AUTS2: variants seen among roughly 807,000 people sequenced by gnomAD.
AUTS2 encodes the protein autism susceptibility gene 2 protein.
Under a neutral mutation model 112.4 loss-of-function variants are expected in AUTS2, and 17 were observed. The observed-to-expected ratio is 0.15, with a 90% CI of 0.10 to 0.23. AUTS2 has a LOEUF of 0.23. Among genes scored for constraint, AUTS2 ranks in the 10% least tolerant of loss-of-function variants. The probability of loss-of-function intolerance (pLI) is 1.00; values close to 1 mark genes in which losing one functional copy is unlikely to be tolerated. For synonymous variants in AUTS2, 751 were observed against 702.7 expected, an observed-to-expected ratio of 1.07 and a Z score of -1.09; for missense variants, 1,510 against 1,701.6, an observed-to-expected ratio of 0.89 and a Z score of 1.98.
rs551740245 is a variant in AUTS2 at position 69,762,539 on chromosome 7, G to C, written c.310-136747G>C. Among the ~76,000 whole-genome samples, 11 of 151,798 alleles carry C rather than the reference G, an allele frequency of 7.2e-5. No individual in the cohort carries two copies. The South Asian group carries it at 2.3e-3, about 32-fold the overall frequency. On this transcript the variant is annotated intron_variant, in intron 1 of 18. Coordinates refer to ENST00000342771, the MANE Select transcript of AUTS2 (RefSeq NM_015570.4). ...GCCCAAGCTGGTCTCAAACTTCTAAGCTCAAGCCATCTGCCCGCTTCGGCC... is the reference window on the plus strand; with the variant it reads ...GCCCAAGCTGGTCTCAAACTTCTAACCTCAAGCCATCTGCCCGCTTCGGCC...
intron 1 of AUTS2, among the ~76,000 whole-genome samples, chr7:69,744,719 CCT>C (rs1242223038): frequency 6.6e-6 from 1 of 152,008 alleles, no homozygotes; most frequent in Admixed American, 6.6e-5. Flanking sequence ...GCCTGTAGTC[CCT>C]GTTATCTGGG....
At chr7:70,365,070 G>A (rs1792505002) in intron 4 of AUTS2, among the ~76,000 whole-genome samples, 1 of 152,048 alleles carries the variant, frequency 6.6e-6, no homozygotes, top group Admixed American at 6.6e-5. Flanking sequence ...AGGATTAGTA[G>A]GAATTTTAAA....
chr7:69,648,831 C>A (rs755203389), intron 1 of AUTS2, among the ~76,000 whole-genome samples: 1 of 152,046 alleles, frequency 6.6e-6, no homozygotes, highest in Admixed American at 6.5e-5. Context: ...TTTAAGTTTG[C>A]AAAATGCCTT....
chr7:70,763,365 C>T lies in AUTS2; in HGVS notation c.1214+24C>T. 2.6e-6 allele frequency: 4 copies of T among 1,516,354 alleles called. No homozygotes were observed. The South Asian group carries it at 3.9e-5, about 15-fold the overall frequency. 93.9% of individuals were successfully genotyped at this position (1,516,354 alleles called of 1,614,324 possible). A position where few individuals can be genotyped will look rare whatever the true frequency, so the allele number is the denominator to read the frequency against. On this transcript the variant is annotated intron_variant, in intron 7 of 18. Coordinates refer to ENST00000342771, the MANE Select transcript of AUTS2 (RefSeq NM_015570.4). ...AGGTGAGTGGCCTGCTCTTCTTTGG[C>T]CTGACTTTTGCCCTCTCCCTGGGGA...
intron 16 of AUTS2, 117 bp downstream of exon 16, chr7:70,785,136 C>A: frequency 9.6e-7 from 1 of 1,038,778 alleles, no homozygotes; most frequent in Non-Finnish European, 1.5e-6. Context: ...ACCCTGCTTA[C>A]CATTTAGGCA....
chr7:70,207,451 G>T (rs1288801888), intron 4 of AUTS2, among the ~76,000 whole-genome samples: 1 of 152,162 alleles, frequency 6.6e-6, no homozygotes, highest in Non-Finnish European at 1.5e-5. Flanking sequence ...TAGAAGAAAA[G>T]AAATTTATAA....
intron 1 of AUTS2, among the ~76,000 whole-genome samples, chr7:69,776,564 C>T (rs975717789): frequency 2.0e-5 from 3 of 152,164 alleles, no homozygotes; most frequent in East Asian, 1.9e-4. Context: ...TACAGGTGCA[C>T]GCCACCACAC....
At position 69,637,729 on chromosome 7, in the gene AUTS2, T is replaced by A. The variant is rs1400880653; in HGVS notation, c.309+37767T>A. ...GGTTTTGCTAAGTATATGAAAAAAA[T>A]ATTTGGATCTTCTTGAGGCAGTGAA... On this transcript the variant is annotated intron_variant, in intron 1 of 18. Transcript: ENST00000342771. Among the ~76,000 whole-genome samples the A allele has an allele frequency of 2.0e-5, 3 of 152,110 alleles. No homozygotes were observed. In the South Asian group the frequency reaches 6.2e-4, roughly 32 times the overall value.
At chr7:69,682,800 G>A (rs1008442846) in intron 1 of AUTS2, among the ~76,000 whole-genome samples, 4 of 152,002 alleles carry the variant, frequency 2.6e-5, no homozygotes, top group Non-Finnish European at 5.9e-5. Context: ...ATGGTGGTTC[G>A]GCCTGCAGTC....
intron 4 of AUTS2, among the ~76,000 whole-genome samples, chr7:70,346,349 C>T (rs1365606692): frequency 3.3e-5 from 5 of 152,186 alleles, no homozygotes; most frequent in Admixed American, 6.5e-5. Flanking sequence ...GAGGGCCTCA[C>T]ACAGGGATTG....
chr7:70,320,407 C>G (rs1790199627), intron 4 of AUTS2, among the ~76,000 whole-genome samples: 2 of 152,208 alleles, frequency 1.3e-5, no homozygotes, highest in African/African-American at 4.8e-5. Flanking sequence ...AATCTTTGTA[C>G]ATACACAGAA....
At position 70,764,838 on chromosome 7, in the gene AUTS2, C is replaced by A; in HGVS notation, c.1301C>A (p.Ser434Tyr). 7 of 1,263,854 alleles carry A rather than the reference C, an allele frequency of 5.5e-6. No individual in the cohort carries two copies. The highest frequency in any genetic ancestry group is 2.0e-5 in the Admixed American group (1 of 50,630). 78.3% of individuals were successfully genotyped at this position (1,263,854 alleles called of 1,614,324 possible). Residue 434 changes from serine to tyrosine, a missense_variant, in exon 8 of 19, where the codon TCC (serine) becomes TAC (tyrosine). Physicochemically the swap from Ser to Tyr is moderately radical, Grantham distance 144. Around this residue, in one of 3 missense-constraint regions of AUTS2, gnomAD observed 535 missense variants for 594.3 expected, o/e 0.90. Transcript: ENST00000342771. ...CCCTCTGCCTCCCCGTTCCCCCTCT[C>A]CCTGCCCAACCACAGCCCCCTGCAC... ...HHPSASPFPL[S>Y]LPNHSPLHSF...
intron 2 of AUTS2, among the ~76,000 whole-genome samples, chr7:70,037,304 CTG>C (rs1801049317): frequency 1.3e-5 from 2 of 152,130 alleles, no homozygotes; most frequent in Admixed American, 1.3e-4. Context: ...ATGAAGAAGT[CTG>C]AATATCTGTA....
chr7:70,665,413 A>G (rs1807281625), intron 5 of AUTS2, among the ~76,000 whole-genome samples: 2 of 151,610 alleles, frequency 1.3e-5, no homozygotes, highest in Admixed American at 6.6e-5. Context: ...ACAGGCACAC[A>G]TCACCATGAC....
At chr7:69,712,560 CT>C (rs1194936206) in intron 1 of AUTS2, among the ~76,000 whole-genome samples, 3 of 152,026 alleles carry the variant, frequency 2.0e-5, no homozygotes, top group African/African-American at 7.2e-5. Context: ...TGATAATTTC[CT>C]TTTTATTGCT....
chr7:70,301,724 T>TA lies in AUTS2; in HGVS notation c.661-134020dup, dbSNP rs35908435. On this transcript the variant is annotated intron_variant, in intron 4 of 18. Transcript: ENST00000342771. ...TGCTATTTAAACACAAACATACATTTAAAAAAAATGCCATACTAAAGTCCA... is the reference window on the plus strand; with the variant it reads ...TGCTATTTAAACACAAACATACATTTAAAAAAAAATGCCATACTAAAGTCCA... Among the ~76,000 whole-genome samples the TA allele has an allele frequency of 2.5e-3, 375 of 151,908 alleles. 3 individuals are homozygous for TA. The highest frequency in any genetic ancestry group is 8.4e-3 in the African/African-American group (350 of 41,430).
In AUTS2 at chr7:70,242,077, T is replaced by C. The variant is rs190796222; in HGVS notation, c.660+107506T>C. 1.5e-4 allele frequency among the ~76,000 whole-genome samples: 23 copies of C among 152,310 alleles called. No homozygotes were observed. In the East Asian group the frequency reaches 2.5e-3, roughly 17 times the overall value. ...TTCCGCAATGGCCTCCTTTCCAAGATTGGCCTTAGGGAGGGAAGTCTTACC... is the reference window on the plus strand; with the variant it reads ...TTCCGCAATGGCCTCCTTTCCAAGACTGGCCTTAGGGAGGGAAGTCTTACC... On this transcript the variant is annotated intron_variant, in intron 4 of 18. Transcript: ENST00000342771.
At chr7:70,544,802 T>C (rs914391118) in intron 5 of AUTS2, among the ~76,000 whole-genome samples, 7 of 152,202 alleles carry the variant, frequency 4.6e-5, no homozygotes, top group African/African-American at 1.7e-4. Context: ...CGGGGTGTGC[T>C]GGGGGCTCTG....
At chr7:70,260,698 T>A (rs2129607070) in intron 4 of AUTS2, among the ~76,000 whole-genome samples, 1 of 152,118 alleles carries the variant, frequency 6.6e-6, no homozygotes. Context: ...CTCCTAGGTA[T>A]TTACCCAAGA....
Sources: allele counts gnomAD v4.1 joint callset (sites outside exome capture counted in the v4.1 genomes callset), GRCh38; gene constraint gnomAD v4.1.1; regional missense constraint gnomAD v4.1.1; transcripts MANE v1.5; gene names NCBI Gene and HGNC (gene_info 2026-07-23, HGNC 2026-07-21).